Variants in FREM2 observed in about 807,000 individuals in gnomAD.
FREM2 encodes the protein FRAS1-related extracellular matrix protein 2.
FREM2 carries 119 observed loss-of-function variants against 219.9 expected under a neutral mutation model. The ratio of observed to expected loss-of-function variants is 0.54; its 90% CI spans 0.47 to 0.63. The LOEUF is 0.63. Ranked by LOEUF, FREM2 falls within the 30% of genes least tolerant of loss-of-function variation. The pLI is 0.00. For synonymous variants in FREM2, 1,562 were observed against 1,522.8 expected, an observed-to-expected ratio of 1.03 and a Z score of -0.60; for missense variants, 4,030 against 3,993.6, an observed-to-expected ratio of 1.01 and a Z score of -0.25.
intron 2 of FREM2, among the ~76,000 whole-genome samples, chr13:38,724,213 T>C (rs1436452733): frequency 1.3e-5 from 2 of 152,166 alleles, no homozygotes; most frequent in African/African-American, 4.8e-5. Flanking sequence ...GGGCAGCAGA[T>C]AGAAAGTCAG....
rs149714530 is a variant in FREM2 at position 38,692,061 on chromosome 13, A to T, written c.4717A>T (p.Thr1573Ser). 6.2e-7 allele frequency: 1 copy of T among 1,614,180 alleles called. No homozygotes were observed. The highest frequency in any genetic ancestry group is 2.2e-5 in the East Asian group (1 of 44,882). The change falls in exon 1 of 24, where the codon ACC (threonine) becomes TCC (serine). Residue 1573 changes from threonine to serine, a missense_variant. Physicochemically the swap from Thr to Ser is moderately conservative, Grantham distance 58. Transcript: ENST00000280481. ...TGACAAGCTCCTGAAATTCACTATC[A>T]CCCAGGTGCCTATTCATGGCCATCT... ...TPDKLLKFTITQVPIHGHLLF... is the reference protein window; with the variant it reads ...TPDKLLKFTISQVPIHGHLLF...
chr13:38,697,658 C>G (rs1220856083), intron 1 of FREM2, 40 bp from the exon 2 acceptor site: 3 of 1,132,140 alleles, frequency 2.6e-6, no homozygotes, highest in Admixed American at 1.7e-5. Context: ...ATCAATTTTA[C>G]TCTGGTAATT....
rs1173750052 is a variant in FREM2 at position 38,689,962 on chromosome 13, A to C, written c.2618A>C (p.Lys873Thr). 6.2e-7 allele frequency: 1 copy of C among 1,613,980 alleles called. No homozygotes were observed. Among genetic ancestry groups the C allele is most frequent in the Non-Finnish European group, 8.5e-7 (1 of 1,180,024 alleles). ...HISFTLTQAP[K>T]HGHMRVSGQI... ...TCTTTCACTCTCACTCAGGCACCCA[A>C]ACATGGCCACATGAGAGTGTCTGGA... The change falls in exon 1 of 24, where the codon AAA (lysine) becomes ACA (threonine). Residue 873 changes from lysine (K) to threonine (T), a missense_variant. Transcript: ENST00000280481.
intron 2 of FREM2, among the ~76,000 whole-genome samples, chr13:38,735,024 G>A (rs556636583): frequency 6.6e-6 from 1 of 152,266 alleles, no homozygotes; most frequent in East Asian, 1.9e-4. Context: ...GGGATTACAG[G>A]CGTGAGCCAC....
intron 6 of FREM2, among the ~76,000 whole-genome samples, chr13:38,841,163 T>C (rs1279853928): frequency 6.6e-6 from 1 of 152,164 alleles, no homozygotes; most frequent in Non-Finnish European, 1.5e-5. Flanking sequence ...TGGGTGGTTG[T>C]GAGGATGAAA....
intron 6 of FREM2, among the ~76,000 whole-genome samples, chr13:38,786,687 A>G (rs566827443): frequency 6.6e-6 from 1 of 152,222 alleles, no homozygotes; most frequent in Admixed American, 6.5e-5. Context: ...TTTTTTTGGC[A>G]AAAAAATCTT....
intron 6 of FREM2, among the ~76,000 whole-genome samples, chr13:38,822,625 T>G (rs554204377): frequency 6.6e-6 from 1 of 152,242 alleles, no homozygotes; most frequent in Non-Finnish European, 1.5e-5. Context: ...TTTATAAGTC[T>G]TTCCAGGGGA....
chr13:38,864,193 C>A, intron 15 of FREM2, 82 bp from the exon 16 acceptor site: 1 of 1,066,024 alleles, frequency 9.4e-7, no homozygotes. Context: ...CACTTGTTTT[C>A]TTAAGAGATA....
In FREM2 at chr13:38,815,757, G is replaced by A. The variant is rs111717082; in HGVS notation, c.6020-30816G>A. Among the ~76,000 whole-genome samples the A allele has an allele frequency of 5.2e-3, 793 of 152,294 alleles. 3 individuals carry two copies. Among genetic ancestry groups the A allele is most frequent in the African/African-American group, 0.018 (756 of 41,576 alleles). The stretch of plus-strand genomic sequence containing the variant: ...AGAAGGTAAAGAGGAGCCAGAAGGT[G>A]CAAGATCCCATAGTGAGAGATCCCA... On this transcript the variant is annotated intron_variant, in intron 6 of 23. Coordinates refer to ENST00000280481, the MANE Select transcript of FREM2 (RefSeq NM_207361.6).
chr13:38,812,226 G>A (rs1022775893), intron 6 of FREM2, among the ~76,000 whole-genome samples: 6 of 151,950 alleles, frequency 3.9e-5, no homozygotes, highest in South Asian at 2.1e-4. Context: ...AGAGATCATC[G>A]AGTCTTGTTT....
chr13:38,750,316 C>T (rs1872689735), intron 2 of FREM2, among the ~76,000 whole-genome samples: 1 of 152,086 alleles, frequency 6.6e-6, no homozygotes, highest in Non-Finnish European at 1.5e-5. Flanking sequence ...GAATGGGTCT[C>T]ACGAGATCCG....
intron 2 of FREM2, among the ~76,000 whole-genome samples, chr13:38,747,538 C>G (rs1872539190): frequency 6.7e-6 from 1 of 150,054 alleles, no homozygotes; most frequent in Non-Finnish European, 1.5e-5. Flanking sequence ...GTGTTTTTTT[C>G]CTTGTCTATA....
intron 11 of FREM2, among the ~76,000 whole-genome samples, chr13:38,853,883 TTTC>T (rs1302429756): frequency 2.6e-5 from 4 of 152,152 alleles, no homozygotes; most frequent in Non-Finnish European, 5.9e-5. Context: ...AAAAAATGTT[TTTC>T]TTGGAAGTAA....
Position 38,840,644 on chromosome 13 carries a change from A to ATATATATATATATATGTGTG in FREM2, c.6020-5928_6020-5927insATATATATATATATGTGTGT, listed in dbSNP as rs1184958401. ...AACTAAAATATATATATATATATAT[A>ATATATATATATATATGTGTG]TGTGTATGTATATATATACACACAC... On this transcript the variant is annotated intron_variant, in intron 6 of 23. Coordinates refer to ENST00000280481, the MANE Select transcript of FREM2 (RefSeq NM_207361.6). 2.2e-3 allele frequency among the ~76,000 whole-genome samples: 299 copies of ATATATATATATATATGTGTG among 134,282 alleles called. 3 individuals carry two copies. The highest frequency in any genetic ancestry group is 8.3e-3 in the African/African-American group (292 of 35,078). The allele number at this position is 134,282 out of a possible 152,430, so 88.1% of individuals were successfully genotyped here.
At chr13:38,764,496 C>A in intron 3 of FREM2, 46 bp downstream of exon 3, 3 of 1,172,640 alleles carry the variant, frequency 2.6e-6, no homozygotes, top group Non-Finnish European at 3.7e-6. Flanking sequence ...ATTTTTCTAG[C>A]AAAGGTTTAT....
chr13:38,724,074 A>C (rs947661580), intron 2 of FREM2, among the ~76,000 whole-genome samples: 44 of 152,164 alleles, frequency 2.9e-4, no homozygotes, highest in African/African-American at 9.7e-4. Flanking sequence ...TCCTTTGCTG[A>C]GTCAGGTGAC....
At chr13:38,791,518 C>G (rs1874559488) in intron 6 of FREM2, among the ~76,000 whole-genome samples, 1 of 152,120 alleles carries the variant, frequency 6.6e-6, no homozygotes, top group African/African-American at 2.4e-5. Context: ...ACTCACAGTT[C>G]CACATGCCCG....
chr13:38,798,666 T>A (rs562842622), intron 6 of FREM2, among the ~76,000 whole-genome samples: 30 of 152,200 alleles, frequency 2.0e-4, no homozygotes, highest in Admixed American at 5.2e-4. Context: ...ACTGTTCAGA[T>A]TTTCTATTTC....
chr13:38,858,636 A>G (rs1398932948), intron 13 of FREM2, among the ~76,000 whole-genome samples: 1 of 152,224 alleles, frequency 6.6e-6, no homozygotes, highest in African/African-American at 2.4e-5. Flanking sequence ...ACTTATGTTT[A>G]TATTACAACA....
Sources: allele counts gnomAD v4.1 joint callset (sites outside exome capture counted in the v4.1 genomes callset), GRCh38; gene constraint gnomAD v4.1.1; transcripts MANE v1.5; gene names NCBI Gene and HGNC (gene_info 2026-07-23, HGNC 2026-07-21).